The following DNAJC2 variants were observed in gnomAD, a reference collection of about 807,000 sequenced individuals.
DNAJC2 encodes the protein dnaJ homolog subfamily C member 2.
In DNAJC2, 32 loss-of-function variants were observed where a neutral mutation model predicts 94.0. That is an observed-to-expected ratio of 0.34 (90% CI 0.26 to 0.46). The LOEUF (loss-of-function observed/expected upper bound fraction) is 0.46, where lower values mean the gene tolerates loss of function less well. Ranked by LOEUF, DNAJC2 falls within the 20% of genes least tolerant of loss-of-function variation. The pLI, the probability that DNAJC2 is intolerant of heterozygous loss-of-function variation, is 1.00. For missense variants in DNAJC2, 550 were observed against 719.5 expected (o/e 0.76, Z 2.69); for synonymous variants, 210 against 229.7 (o/e 0.91, Z 0.77).
Position 103,322,095 on chromosome 7 carries a change from G to C in DNAJC2, c.934-14C>G. The C allele has an allele frequency of 1.3e-6, 2 of 1,587,630 alleles. No individual in the cohort carries two copies. Among genetic ancestry groups the C allele is most frequent in the African/African-American group, 1.4e-5 (1 of 73,666 alleles). On this transcript the variant is annotated splice_polypyrimidine_tract_variant and intron_variant, in intron 9 of 16. Transcript: ENST00000379263. ...AGCTTGTCTTTGCTTTAAAAAAAGG[G>C]AGTAAAATCATTTTAATAGGTACAG...
chr7:103,326,827 T>C, intron 4 of DNAJC2, 143 bp from the exon 5 acceptor site: 1 of 750,520 alleles, frequency 1.3e-6, no homozygotes, highest in Admixed American at 3.2e-5. Context: ...GAGGATTTAA[T>C]TTAGGTAACA....
chr7:103,319,465 TAAAAC>T, intron 12 of DNAJC2, 139 bp downstream of exon 12: 1 of 892,768 alleles, frequency 1.1e-6, no homozygotes, highest in South Asian at 1.7e-5. Flanking sequence ...ACCGAACACA[TAAAAC>T]AACAACAACA....
intron 4 of DNAJC2, among the ~76,000 whole-genome samples, 168 bp from the exon 5 acceptor site, chr7:103,326,852 A>G (rs1307011215): frequency 6.6e-6 from 1 of 152,204 alleles, no homozygotes; most frequent in Non-Finnish European, 1.5e-5. Context: ...CTTTAGCACT[A>G]CTGGATATAA....
intron 5 of DNAJC2, chr7:103,324,865 G>GA (rs1468955228): frequency 5.7e-6 from 1 of 175,944 alleles, no homozygotes; most frequent in Non-Finnish European, 1.2e-5. Flanking sequence ...AGGCAGGCTA[G>GA]AAAAAATGGC....
chr7:103,329,757 C>T (rs1818889698), intron 3 of DNAJC2, among the ~76,000 whole-genome samples: 1 of 152,172 alleles, frequency 6.6e-6, no homozygotes, highest in South Asian at 2.1e-4. Context: ...AAACTGACCA[C>T]AGCTTTCTAA....
intron 3 of DNAJC2, among the ~76,000 whole-genome samples, chr7:103,332,216 A>C (rs1204004684): frequency 6.6e-6 from 1 of 152,166 alleles, no homozygotes; most frequent in East Asian, 1.9e-4. Context: ...CGTGTTAGCC[A>C]GGATGGTCTC....
intron 5 of DNAJC2, among the ~76,000 whole-genome samples, chr7:103,325,047 T>A (rs978227083): frequency 6.6e-6 from 1 of 152,214 alleles, no homozygotes; most frequent in Non-Finnish European, 1.5e-5. Context: ...CATTGATCAC[T>A]GGTGAAAAGG....
chr7:103,320,347 C>T (rs1424090865), intron 10 of DNAJC2, among the ~76,000 whole-genome samples: 2 of 152,044 alleles, frequency 1.3e-5, no homozygotes, highest in East Asian at 3.9e-4. Flanking sequence ...CTCAGCCTCC[C>T]AAAGTGCTGG....
At chr7:103,327,791 T>G (rs184828735) in intron 3 of DNAJC2, 37 bp from the exon 4 acceptor site, 20 of 1,416,254 alleles carry the variant, frequency 1.4e-5, no homozygotes, top group Non-Finnish European at 2.0e-5. Flanking sequence ...TTTGTCACTT[T>G]AAGCACCAAA....
At chr7:103,337,616 A>C (rs1014231419) in intron 3 of DNAJC2, 120 bp downstream of exon 3, 7 of 798,430 alleles carry the variant, frequency 8.8e-6, no homozygotes, top group Admixed American at 5.2e-5. Flanking sequence ...ATGACAATAT[A>C]ACACATGCTG....
At chr7:103,320,193 ATTC>A (rs991608419) in intron 10 of DNAJC2, among the ~76,000 whole-genome samples, 2 of 152,006 alleles carry the variant, frequency 1.3e-5, no homozygotes, top group Non-Finnish European at 2.9e-5. Context: ...GGTTCAAGCT[ATTC>A]TTCTGCCTCA....
chr7:103,323,426 T>A (rs974102793), intron 7 of DNAJC2, among the ~76,000 whole-genome samples, 172 bp downstream of exon 7: 4 of 152,228 alleles, frequency 2.6e-5, no homozygotes, highest in Admixed American at 6.5e-5. Context: ...ATTATTGATC[T>A]GGGCCCACCT....
intron 5 of DNAJC2, among the ~76,000 whole-genome samples, chr7:103,326,063 CTG>C (rs992508744): frequency 1.3e-5 from 2 of 152,030 alleles, no homozygotes; most frequent in African/African-American, 4.8e-5. Context: ...ACTGCAACCA[CTG>C]TCTCCTGGGT....
intron 2 of DNAJC2, among the ~76,000 whole-genome samples, chr7:103,340,951 A>G (rs974350341): frequency 2.6e-5 from 4 of 152,164 alleles, no homozygotes; most frequent in African/African-American, 9.7e-5. Flanking sequence ...TCCTCATCCC[A>G]GCATTGGTTA....
intron 15 of DNAJC2, chr7:103,314,580 A>G (rs1817942267): frequency 1.0e-6 from 1 of 985,200 alleles, no homozygotes; most frequent in African/African-American, 1.7e-5. Flanking sequence ...TGTGGAGATA[A>G]AGGTGCAGGA....
At position 103,319,862 on chromosome 7, in the gene DNAJC2, A is replaced by C. The variant is rs760471331; in HGVS notation, c.1084-18T>G. The stretch of plus-strand genomic sequence containing the variant: ...TTCCAGGTCTAAAAGCACAAACACA[A>C]AAATAGTATCTACACTCAAAAATAC... On this transcript the variant is annotated intron_variant, in intron 10 of 16. Transcript: ENST00000379263. The C allele has an allele frequency of 6.2e-7, 1 of 1,612,566 alleles. No individual in the cohort carries two copies. The highest frequency in any genetic ancestry group is 1.7e-5 in the Admixed American group (1 of 59,992).
At chr7:103,322,201 T>C in intron 9 of DNAJC2, 120 bp from the exon 10 acceptor site, 1 of 756,728 alleles carries the variant, frequency 1.3e-6, no homozygotes, top group Non-Finnish European at 1.9e-6. Flanking sequence ...CATAAACTTA[T>C]TGAAAACTGA....
At chr7:103,344,332 A>G in intron 1 of DNAJC2, 1 of 583,158 alleles carries the variant, frequency 1.7e-6, no homozygotes, top group Admixed American at 3.1e-5. Flanking sequence ...CGGCGAGAGG[A>G]GGAAGCAACG....
intron 3 of DNAJC2, among the ~76,000 whole-genome samples, chr7:103,331,023 A>G (rs1393810101): frequency 1.3e-5 from 2 of 151,802 alleles, no homozygotes; most frequent in African/African-American, 4.8e-5. Context: ...CAATGGCACA[A>G]TCTTGGCTCA....
Sources: allele counts gnomAD v4.1 joint callset (sites outside exome capture counted in the v4.1 genomes callset), GRCh38; gene constraint gnomAD v4.1.1; transcripts MANE v1.5; gene names NCBI Gene and HGNC (gene_info 2026-07-23, HGNC 2026-07-21).